Variants in BRWD1 observed in about 807,000 individuals in gnomAD.
BRWD1 encodes bromodomain and WD repeat-containing protein 1.
Under a neutral mutation model 251.2 loss-of-function variants are expected in BRWD1, and 82 were observed. The observed-to-expected ratio is 0.33, with a 90% CI of 0.27 to 0.39. The LOEUF (loss-of-function observed/expected upper bound fraction) is 0.39. Among genes scored for constraint, BRWD1 ranks in the 10% least tolerant of loss-of-function variants. The probability of loss-of-function intolerance (pLI) is 1.00; values close to 1 mark genes in which losing one functional copy is unlikely to be tolerated. For synonymous variants in BRWD1, 918 were observed against 902.8 expected (o/e 1.02, Z -0.30); for missense variants, 2,233 against 2,711.6 (o/e 0.82, Z 3.92).
Position 39,194,846 on chromosome 21 carries a change from G to A in BRWD1, c.*1413C>T, listed in dbSNP as rs1319315940. 6.5e-7 allele frequency: 1 copy of A among 1,533,460 alleles called. No individual in the cohort carries two copies. Among genetic ancestry groups the A allele is most frequent in the Non-Finnish European group, 8.7e-7 (1 of 1,144,962 alleles). 95.0% of individuals were successfully genotyped at this position (1,533,460 alleles called of 1,614,324 possible). A position where few individuals can be genotyped will look rare whatever the true frequency, so the allele number is the denominator to read the frequency against. On this transcript the variant is annotated 3_prime_UTR_variant, in exon 41 of 41. Transcript: ENST00000342449. ...TTATCTGCCACTTCAAAGATACACA[G>A]GAGAAAAGGGTTAATTTTGTCTGAA...
intron 29 of BRWD1, among the ~76,000 whole-genome samples, chr21:39,221,900 CA>C (rs541461821): frequency 0.019 from 2,353 of 124,686 alleles, 49 homozygotes; most frequent in African/African-American, 0.064. Context: ...GAGACTGTCT[CA>C]AAAAAAAAAA....
chr21:39,290,814 A>C (rs1340139229), intron 8 of BRWD1, among the ~76,000 whole-genome samples: 1 of 152,118 alleles, frequency 6.6e-6, no homozygotes, highest in Non-Finnish European at 1.5e-5. Context: ...ACAAACCAAA[A>C]ATCTTGCTTA....
intron 4 of BRWD1, among the ~76,000 whole-genome samples, chr21:39,301,301 A>G (rs1404942078): frequency 6.6e-6 from 1 of 152,212 alleles, no homozygotes; most frequent in East Asian, 1.9e-4. Context: ...TTTACTTCAG[A>G]AAACAGTAAC....
intron 38 of BRWD1, among the ~76,000 whole-genome samples, chr21:39,201,525 G>A (rs888101056): frequency 6.6e-6 from 1 of 152,126 alleles, no homozygotes; most frequent in Non-Finnish European, 1.5e-5. Context: ...CTTTTCATTT[G>A]CACAAAATGC....
chr21:39,193,711 T>C lies in BRWD1; in HGVS notation c.*2548A>G, dbSNP rs1329515826. On this transcript the variant is annotated 3_prime_UTR_variant, in exon 41 of 41. Transcript: ENST00000342449. ...ATTCAAATTATAACCCTTTATCTTT[T>C]TCTCAAGAATACTACAAACTGACCC... is the stretch of plus-strand genomic sequence containing the variant. 2.0e-6 allele frequency: 2 copies of C among 985,450 alleles called. No individual in the cohort carries two copies. The highest frequency in any genetic ancestry group is 2.4e-6 in the Non-Finnish European group (2 of 829,708). The allele number at this position is 985,450 out of a possible 1,614,324, so 61.0% of individuals were successfully genotyped here. A position where few individuals can be genotyped will look rare whatever the true frequency, so the allele number is the denominator to read the frequency against.
chr21:39,274,507 A>C, intron 12 of BRWD1, 35 bp from the exon 13 acceptor site: 1 of 1,504,898 alleles, frequency 6.6e-7, no homozygotes, highest in Non-Finnish European at 9.2e-7. Context: ...TACTATATTC[A>C]CACACTTTCC....
Position 39,295,736 on chromosome 21 carries a change from T to C in BRWD1, c.609+7A>G, listed in dbSNP as rs1260290239. 7 of 1,552,910 alleles carry C rather than the reference T, an allele frequency of 4.5e-6. No individual in the cohort carries two copies. The highest frequency in any genetic ancestry group is 5.2e-6 in the Non-Finnish European group (6 of 1,146,710). ...GACATCAAATCAAGTTTAAAATTTTTACTCACTGTAAAGATTCTATGTCCT... is the reference window on the plus strand; with the variant it reads ...GACATCAAATCAAGTTTAAAATTTTCACTCACTGTAAAGATTCTATGTCCT... On this transcript the variant is annotated splice_region_variant and intron_variant, in intron 7 of 40. Coordinates refer to ENST00000342449, the MANE Select transcript of BRWD1 (RefSeq NM_033656.4).
chr21:39,292,551 T>C lies in BRWD1; in HGVS notation c.831+1260A>G, dbSNP rs900153139. 1.3e-4 allele frequency among the ~76,000 whole-genome samples: 20 copies of C among 152,268 alleles called. 2 individuals are homozygous for C. The highest frequency in any genetic ancestry group is 6.8e-3 in the Middle Eastern group (2 of 294). On this transcript the variant is annotated intron_variant, in intron 8 of 40. Coordinates refer to ENST00000342449, the MANE Select transcript of BRWD1 (RefSeq NM_033656.4). ...TTGAAATCAGAAACTTTGGGAGTAG[T>C]GCCTAACAATGTTTTAATCAAGCCC...
chr21:39,188,284 C>T lies in BRWD1; in HGVS notation c.*7975G>A. ...TCTAAAACTGCCTTCATGGTACACA[C>T]CAATCTTGATGGCAGTTTGTTTTGT... is the stretch of plus-strand genomic sequence containing the variant. On this transcript the variant is annotated 3_prime_UTR_variant, in exon 41 of 41. Coordinates refer to ENST00000342449, the MANE Select transcript of BRWD1 (RefSeq NM_033656.4). The T allele has an allele frequency of 1.0e-6, 1 of 985,376 alleles. No homozygotes were observed. Among genetic ancestry groups the T allele is most frequent in the South Asian group, 4.7e-5 (1 of 21,284 alleles). 61.0% of individuals were successfully genotyped at this position (985,376 alleles called of 1,614,324 possible).
At chr21:39,236,889 G>A in intron 22 of BRWD1, 105 bp from the exon 23 acceptor site, 1 of 1,001,376 alleles carries the variant, frequency 1.0e-6, no homozygotes, top group Non-Finnish European at 1.5e-6. Flanking sequence ...AAAAGGGAAG[G>A]GAAGATACCA....
At position 39,189,607 on chromosome 21, in the gene BRWD1, A is replaced by G; in HGVS notation, c.*6652T>C. On this transcript the variant is annotated 3_prime_UTR_variant, in exon 41 of 41. Transcript: ENST00000342449. The stretch of plus-strand genomic sequence containing the variant: ...CTAACTTGATAAAGCTGAATCTCTT[A>G]AGTCTTAGACAATAAAACAGGAATT... 1.0e-6 allele frequency: 1 copy of G among 982,788 alleles called. No individual in the cohort carries two copies. The highest frequency in any genetic ancestry group is 1.2e-6 in the Non-Finnish European group (1 of 827,518). 60.9% of individuals were successfully genotyped at this position (982,788 alleles called of 1,614,324 possible).
At chr21:39,198,294 T>C (rs1278064253) in intron 40 of BRWD1, among the ~76,000 whole-genome samples, 1 of 152,190 alleles carries the variant, frequency 6.6e-6, no homozygotes, top group Non-Finnish European at 1.5e-5. Flanking sequence ...CTAAACTGCT[T>C]ATTAATGGAA....
At chr21:39,283,656 A>C (rs1027609381) in intron 8 of BRWD1, among the ~76,000 whole-genome samples, 7 of 152,220 alleles carry the variant, frequency 4.6e-5, no homozygotes, top group Non-Finnish European at 8.8e-5. Flanking sequence ...TCTAAGCTTG[A>C]AGTTTTAAGA....
At chr21:39,274,302 AGC>A in intron 13 of BRWD1, 70 bp downstream of exon 13, 2 of 1,060,296 alleles carry the variant, frequency 1.9e-6, no homozygotes, top group African/African-American at 1.7e-5. Flanking sequence ...AGACACAGAG[AGC>A]GAGAGAGAGA....
At chr21:39,247,954 G>T in intron 20 of BRWD1, 122 bp from the exon 21 acceptor site, 1 of 1,187,550 alleles carries the variant, frequency 8.4e-7, no homozygotes, top group Non-Finnish European at 1.1e-6. Flanking sequence ...GGCTTAAAAA[G>T]AAGGTAGCAT....
At position 39,232,282 on chromosome 21, in the gene BRWD1, T is replaced by C; in HGVS notation, c.2895A>G (p.Val965=). ...SPFVPQMGDE[V]IYFRQGHEAY... ...CTTCATGACCCTGTCGAAAATATAT[T>C]ACCTACAAAAGGGAAATATGCATTT... Residue 965 remains valine, a splice_region_variant and synonymous_variant, in exon 25 of 41, where the codon GTA becomes GTG. Coordinates refer to ENST00000342449, the MANE Select transcript of BRWD1 (RefSeq NM_033656.4). The C allele has an allele frequency of 1.2e-6, 2 of 1,609,804 alleles. No individual in the cohort carries two copies. Among genetic ancestry groups the C allele is most frequent in the Non-Finnish European group, 1.7e-6 (2 of 1,178,456 alleles).
intron 9 of BRWD1, 31 bp downstream of exon 9, chr21:39,280,117 C>A (rs2035411127): frequency 6.8e-7 from 1 of 1,467,846 alleles, no homozygotes. Flanking sequence ...CATTAAAAAA[C>A]AAAACCTGTT....
intron 31 of BRWD1, chr21:39,217,056 TA>T (rs2032959790): frequency 6.3e-5 from 1 of 15,752 alleles, no homozygotes; most frequent in Non-Finnish European, 1.3e-4. Flanking sequence ...TATATTTATA[TA>T]TATATATATA....
At chr21:39,277,396 T>C (rs775517695) in intron 10 of BRWD1, 45 bp from the exon 11 acceptor site, 5 of 1,165,882 alleles carry the variant, frequency 4.3e-6, no homozygotes, top group Middle Eastern at 4.1e-4. Context: ...TTATAACAAA[T>C]ACCTGAACAA....
Sources: gnomAD v4.1 joint callset for allele counts (sites outside exome capture counted in the v4.1 genomes callset) on GRCh38, gnomAD v4.1.1 for gene constraint, MANE v1.5 for transcripts, NCBI Gene and HGNC (gene_info 2026-07-23, HGNC 2026-07-21) for gene names.